The following ACCS variants were observed in gnomAD, a reference collection of about 807,000 sequenced individuals.
ACCS encodes 1-aminocyclopropane-1-carboxylate synthase-like protein 1.
A neutral mutation model predicts 59.8 loss-of-function variants in ACCS; 42 were observed. The ratio of observed to expected loss-of-function variants is 0.70; its 90% CI spans 0.55 to 0.91. The LOEUF (loss-of-function observed/expected upper bound fraction) is 0.91, where lower values mean the gene tolerates loss of function less well. ACCS is among the 40% of genes least tolerant of loss of function. The pLI is 0.00. For missense variants in ACCS, 602 were observed against 630.4 expected (o/e 0.95, Z 0.48); for synonymous variants, 230 against 240.3 (o/e 0.96, Z 0.40).
chr11:44,068,026 G>A, intron 2 of ACCS, 111 bp downstream of exon 2: 1 of 1,220,604 alleles, frequency 8.2e-7, no homozygotes, highest in South Asian at 1.6e-5. Flanking sequence ...TGGAGTTATG[G>A]TACTCTGACC....
chr11:44,074,734 C>CTCTTTCTTTCTTTTTCTTTCTT, intron 5 of ACCS, 53 bp downstream of exon 5: 1 of 546,676 alleles, frequency 1.8e-6, no homozygotes, highest in African/African-American at 3.7e-5. Context: ...CCCTCTCCAT[C>CTCTTTCTTTCTTTTTCTTTCTT]TCTTTCTTTC....
intron 10 of ACCS, 189 bp from the exon 11 acceptor site, chr11:44,080,831 C>A: frequency 1.6e-6 from 1 of 640,936 alleles, no homozygotes. Context: ...ATGTTTGGCC[C>A]GCGGGCTGTC....
chr11:44,074,726 CT>C (rs141707504), intron 5 of ACCS, 45 bp downstream of exon 5: 208 of 1,039,728 alleles, frequency 2.0e-4, no homozygotes, highest in Non-Finnish European at 2.4e-4. Context: ...CCTGCCTCCC[CT>C]CTCCATCTCT....
chr11:44,079,542 ATG>A lies in ACCS; in HGVS notation c.848_849del (p.Val283AspfsTer4). On this transcript the variant is annotated frameshift_variant, in exon 10 of 15. Transcript: ENST00000263776. LOFTEE classifies it high-confidence loss of function. ...CTGCCTCACTCCAGGCACAGGCTGC[ATG>A]TGATTGTGGATGAGGTCTACATGCT... is the stretch of plus-strand genomic sequence containing the variant. 6.2e-7 allele frequency: 1 copy of A among 1,611,044 alleles called. No individual in the cohort carries two copies. The highest frequency in any genetic ancestry group is 1.1e-5 in the South Asian group (1 of 89,964).
rs147919991 is a variant in ACCS, at chr11:44,073,328, T to C, written c.349-119T>C. The stretch of plus-strand genomic sequence containing the variant: ...CATGGGTATGAGAAAGCTGTCACTC[T>C]CTGCCCCTCTCGCAGTTTCTCTGAT... On this transcript the variant is annotated intron_variant, in intron 3 of 14. Coordinates refer to ENST00000263776, the MANE Select transcript of ACCS (RefSeq NM_032592.4). 2,648 of 833,594 alleles carry C rather than the reference T, an allele frequency of 3.2e-3. 59 individuals are homozygous for C. In the East Asian group the frequency reaches 0.044, roughly 14 times the overall value. The allele number at this position is 833,594 out of a possible 1,614,324, so 51.6% of individuals were successfully genotyped here.
chr11:44,075,390 T>A (rs988501707), intron 5 of ACCS, 136 bp from the exon 6 acceptor site: 2 of 832,710 alleles, frequency 2.4e-6, no homozygotes, highest in South Asian at 3.2e-5. Flanking sequence ...GTCAGTCTAG[T>A]GGCTTTGTTG....
rs1953307572 is a variant in ACCS at position 44,075,414 on chromosome 11, G to A, written c.490-112G>A. 6 of 1,113,652 alleles carry A rather than the reference G, an allele frequency of 5.4e-6. No homozygotes were observed. The South Asian group carries it at 8.3e-5, about 15-fold the overall frequency. 69.0% of individuals were successfully genotyped at this position (1,113,652 alleles called of 1,614,324 possible). ...GTGGCTTTGTTGTGACAGAGCCTCA[G>A]GTGGCACCAAGGCAGGGCCTGGCGC... On this transcript the variant is annotated intron_variant, in intron 5 of 14. Coordinates refer to ENST00000263776, the MANE Select transcript of ACCS (RefSeq NM_032592.4).
In ACCS at chr11:44,084,025, G is replaced by A. The variant is rs2285028; in HGVS notation, c.*233G>A. 2,170 of 787,020 alleles carry A rather than the reference G, an allele frequency of 2.8e-3. 48 individuals carry two copies. In the East Asian group the frequency reaches 0.043, roughly 16 times the overall value. 48.8% of individuals were successfully genotyped at this position (787,020 alleles called of 1,614,324 possible). On this transcript the variant is annotated 3_prime_UTR_variant, in exon 15 of 15. Transcript: ENST00000263776. ...TAAACAAAACTAGGAGAGTCCATAT[G>A]TCTCCATTGTGAGTTATTTAGAATG...
chr11:44,077,875 C>G lies in ACCS; in HGVS notation c.685C>G (p.Leu229Val). Reference sequence around the variant, plus strand: ...TGGGCTAGACACACGCCCCTTCCAGCTCACAGTGGAGAAGCTGGAGATGGC... The same window carrying G: ...TGGGCTAGACACACGCCCCTTCCAGGTCACAGTGGAGAAGCTGGAGATGGC... Reference protein sequence around the residue: ...VTGLDTRPFQLTVEKLEMALR... With the variant: ...VTGLDTRPFQVTVEKLEMALR... Residue 229 changes from leucine to valine, a missense_variant, in exon 8 of 15, where the codon CTC becomes GTC. Physicochemically the swap from Leu to Val is conservative, Grantham distance 32 (BLOSUM62 1). Transcript: ENST00000263776. 6.2e-7 allele frequency: 1 copy of G among 1,614,070 alleles called. No homozygotes were observed. Among genetic ancestry groups the G allele is most frequent in the South Asian group, 1.1e-5 (1 of 91,050 alleles).
rs779384552 is a variant in ACCS, at chr11:44,083,161, CCAAA to C, written c.1112-5_1112-2del. The C allele has an allele frequency of 5.0e-6, 8 of 1,613,154 alleles. No homozygotes were observed. The highest frequency in any genetic ancestry group is 6.8e-6 in the Non-Finnish European group (8 of 1,179,372). Reference sequence around the variant, plus strand: ...ATATTGATCTTCTGGCCTCTTTCACCCAAACAGACTGGATCAACCAGGTGTACCT... The same window carrying C: ...ATATTGATCTTCTGGCCTCTTTCACCCAGACTGGATCAACCAGGTGTACCT... On this transcript the variant is annotated splice_region_variant and splice_polypyrimidine_tract_variant and intron_variant, in intron 12 of 14. Transcript: ENST00000263776.
At chr11:44,078,822 G>T (rs1438593706) in intron 9 of ACCS, 38 bp downstream of exon 9, 13 of 1,585,014 alleles carry the variant, frequency 8.2e-6, no homozygotes, top group East Asian at 2.2e-5. Context: ...GAGCGTCTGG[G>T]CAGCCTGGGG....
intron 7 of ACCS, 100 bp from the exon 8 acceptor site, chr11:44,077,745 G>T (rs1472934703): frequency 6.6e-7 from 1 of 1,506,716 alleles, no homozygotes; most frequent in Non-Finnish European, 8.9e-7. Flanking sequence ...TTCTGAGGAG[G>T]CTGGGGATTA....
intron 12 of ACCS, 120 bp downstream of exon 12, chr11:44,081,440 A>G (rs1953637425): frequency 2.8e-6 from 4 of 1,443,570 alleles, no homozygotes; most frequent in Non-Finnish European, 9.2e-7. Flanking sequence ...TGAGAGTGCC[A>G]GCTCTGAGCC....
At position 44,077,835 on chromosome 11, in the gene ACCS, C is replaced by G. The variant is rs1273264066; in HGVS notation, c.655-10C>G. On this transcript the variant is annotated splice_polypyrimidine_tract_variant and intron_variant, in intron 7 of 14. Coordinates refer to ENST00000263776, the MANE Select transcript of ACCS (RefSeq NM_032592.4). ...AATGTGGCTGGTGGCTCTGATGGGT[C>G]TTTTTCCAGGTCACTGGGCTAGACA... The G allele has an allele frequency of 1.2e-6, 2 of 1,612,632 alleles. No homozygotes were observed. The highest frequency in any genetic ancestry group is 1.7e-6 in the Non-Finnish European group (2 of 1,179,326).
intron 5 of ACCS, among the ~76,000 whole-genome samples, chr11:44,075,198 T>A (rs1200273793): frequency 6.6e-6 from 1 of 152,148 alleles, no homozygotes; most frequent in Non-Finnish European, 1.5e-5. Flanking sequence ...TTTGACTTGT[T>A]TCAGAGTAGA....
intron 2 of ACCS, among the ~76,000 whole-genome samples, chr11:44,068,485 G>A (rs1402615651): frequency 6.6e-6 from 1 of 152,106 alleles, no homozygotes; most frequent in Non-Finnish European, 1.5e-5. Context: ...TGCACTTGTG[G>A]TCCCAGCTAC....
chr11:44,069,768 C>G (rs767307165), intron 2 of ACCS, among the ~76,000 whole-genome samples: 12 of 152,170 alleles, frequency 7.9e-5, no homozygotes, highest in Non-Finnish European at 1.8e-4. Context: ...GAGAGAATCA[C>G]TTGGGTCATG....
In ACCS at chr11:44,066,368, T is replaced by TC. The variant is rs1952797150; in HGVS notation, c.-331dup. 2 of 152,132 alleles carry TC rather than the reference T, an allele frequency of 1.3e-5. No homozygotes were observed. The highest frequency in any genetic ancestry group is 2.9e-5 in the Non-Finnish European group (2 of 68,056). The allele number at this position is 152,132 out of a possible 1,614,324, so 9.4% of individuals were successfully genotyped here. A position where few individuals can be genotyped will look rare whatever the true frequency, so the allele number is the denominator to read the frequency against. On this transcript the variant is annotated 5_prime_UTR_variant, in exon 1 of 15. The change abolishes the stop of an existing upstream ORF in the 5' untranslated region. Coordinates refer to ENST00000263776, the MANE Select transcript of ACCS (RefSeq NM_032592.4). ...TGCAGAGGAGGAAGCCGTTCAGGCCTCCCTCTGTGCACTTTGCAAAAGCCT... is the reference window on the plus strand; with the variant it reads ...TGCAGAGGAGGAAGCCGTTCAGGCCTCCCCTCTGTGCACTTTGCAAAAGCCT...
Position 44,081,058 on chromosome 11 carries a change from C to A in ACCS, c.962C>A (p.Thr321Asn). The change falls in exon 11 of 15, where the codon ACC becomes AAC. Residue 321 changes from threonine to asparagine, a missense_variant. Physicochemically the swap from Thr to Asn is moderately conservative, Grantham distance 65 (BLOSUM62 0). Coordinates refer to ENST00000263776, the MANE Select transcript of ACCS (RefSeq NM_032592.4). ...DPQRTHVMWA[T>N]SKDFGMSGLR... is the part of the protein sequence containing the mutation. ...CAGAGGACCCATGTGATGTGGGCAA[C>A]CAGCAAGGTGAGTTCCTGGCTGGCC... 2 of 1,614,208 alleles carry A rather than the reference C, an allele frequency of 1.2e-6. No individual in the cohort carries two copies. Among genetic ancestry groups the A allele is most frequent in the Non-Finnish European group, 1.7e-6 (2 of 1,180,032 alleles).
Sources: gnomAD v4.1 joint callset for allele counts (sites outside exome capture counted in the v4.1 genomes callset) on GRCh38, gnomAD v4.1.1 for gene constraint, MANE v1.5 for transcripts, NCBI Gene and HGNC (gene_info 2026-07-23, HGNC 2026-07-21) for gene names.